Variants in DNM3 observed in about 807,000 individuals in gnomAD.
DNM3 encodes the protein dynamin 3.
Under a neutral mutation model 101.6 loss-of-function variants are expected in DNM3, and 47 were observed. That is an observed-to-expected ratio of 0.46 (90% CI 0.37 to 0.59). DNM3 has a LOEUF of 0.59. Among genes scored for constraint, DNM3 ranks in the 20% least tolerant of loss-of-function variants. DNM3 has a pLI of 0.00. For missense variants in DNM3, 849 were observed against 1,085.7 expected (o/e 0.78, Z 3.06); for synonymous variants, 385 against 387.9 (o/e 0.99, Z 0.09).
chr1:171,875,813 C>CTTTTTTTTTTT (rs60523795), intron 1 of DNM3, among the ~76,000 whole-genome samples: 3,322 of 104,472 alleles, frequency 0.032, 641 homozygotes, highest in African/African-American at 0.12. Flanking sequence ...AGTTGTCTCT[C>CTTTTTTTTTTT]TTTTTTTTTT....
At chr1:172,177,805 G>T (rs2148375479) in intron 14 of DNM3, among the ~76,000 whole-genome samples, 1 of 151,940 alleles carries the variant, frequency 6.6e-6, no homozygotes, top group East Asian at 1.9e-4. Flanking sequence ...CAATCTGAGA[G>T]AAATGTCTCC....
Position 171,901,112 on chromosome 1 carries a change from C to CAAAAAAAAAA in DNM3, c.162-20626_162-20617dup, listed in dbSNP as rs1243053508. Among the ~76,000 whole-genome samples the CAAAAAAAAAA allele has an allele frequency of 5.2e-4, 35 of 66,728 alleles. 2 individuals carry two copies. Among genetic ancestry groups the CAAAAAAAAAA allele is most frequent in the African/African-American group, 1.0e-3 (16 of 15,982 alleles). 43.8% of individuals were successfully genotyped at this position (66,728 alleles called of 152,430 possible). ...TGGGCGACAGAGCGAGACTCTGTCT[C>CAAAAAAAAAA]AAAAAAAAAAAAAAAAAAAGAAAGA... On this transcript the variant is annotated intron_variant, in intron 1 of 20. Coordinates refer to ENST00000627582, the MANE Select transcript of DNM3 (RefSeq NM_015569.5).
intron 2 of DNM3, among the ~76,000 whole-genome samples, chr1:171,932,284 G>A (rs1292455356): frequency 6.6e-6 from 1 of 151,270 alleles, no homozygotes; most frequent in Non-Finnish European, 1.5e-5. Context: ...TAGGACTACG[G>A]GCATGCACCA....
intron 2 of DNM3, among the ~76,000 whole-genome samples, chr1:171,939,794 C>G (rs1176674636): frequency 5.3e-5 from 8 of 152,106 alleles, no homozygotes; most frequent in Non-Finnish European, 2.9e-5. Flanking sequence ...ATAATTGTTA[C>G]TTACCTACGC....
intron 13 of DNM3, chr1:172,093,616 G>T: frequency 7.9e-7 from 1 of 1,268,706 alleles, no homozygotes; most frequent in Non-Finnish European, 1.1e-6. Flanking sequence ...CCATTGTTTT[G>T]AAAGGAGAAG....
chr1:172,371,828 A>ATATTTT lies in DNM3; in HGVS notation c.1894-7166_1894-7161dup, dbSNP rs199679792. ...AGGGTATTCTGTCTAAGTCAGGCAG[A>ATATTTT]TATTTTTATTTTTATTTTTATTTTT... On this transcript the variant is annotated intron_variant, in intron 17 of 20. Transcript: ENST00000627582. 6.3e-3 allele frequency among the ~76,000 whole-genome samples: 945 copies of ATATTTT among 150,588 alleles called. 6 individuals carry two copies. Among genetic ancestry groups the ATATTTT allele is most frequent in the Middle Eastern group, 0.027 (8 of 292 alleles).
intron 11 of DNM3, among the ~76,000 whole-genome samples, chr1:172,071,886 G>GA (rs529957140): frequency 3.0e-4 from 45 of 152,108 alleles, no homozygotes; most frequent in African/African-American, 8.4e-4. Context: ...GAAAAAATGA[G>GA]AAAAAAATGG....
At chr1:171,962,927 G>T (rs1365279155) in intron 2 of DNM3, among the ~76,000 whole-genome samples, 8 of 152,148 alleles carry the variant, frequency 5.3e-5, no homozygotes, top group Admixed American at 4.6e-4. Flanking sequence ...ATTCTCATTT[G>T]TTGCTGGTGG....
intron 1 of DNM3, 111 bp from the exon 2 acceptor site, chr1:171,921,637 C>A: frequency 3.6e-6 from 3 of 822,716 alleles, no homozygotes; most frequent in East Asian, 2.7e-5. Flanking sequence ...TTTGGATAAG[C>A]GATACATTGA....
chr1:172,202,864 TGA>T (rs1179442032), intron 14 of DNM3, among the ~76,000 whole-genome samples: 1 of 152,192 alleles, frequency 6.6e-6, no homozygotes, highest in African/African-American at 2.4e-5. Context: ...AAAGGTTGAC[TGA>T]GAGTGAATCA....
chr1:171,867,666 A>G (rs2034889014), intron 1 of DNM3, among the ~76,000 whole-genome samples: 2 of 152,140 alleles, frequency 1.3e-5, no homozygotes, highest in African/African-American at 4.8e-5. Flanking sequence ...TAATGTTTTC[A>G]TCATATTTAT....
At chr1:172,031,473 A>G (rs2048602417) in intron 4 of DNM3, among the ~76,000 whole-genome samples, 1 of 152,046 alleles carries the variant, frequency 6.6e-6, no homozygotes, top group Non-Finnish European at 1.5e-5. Context: ...AACCTAGATG[A>G]TGGGTTGATA....
intron 17 of DNM3, among the ~76,000 whole-genome samples, chr1:172,336,643 A>G (rs1299725469): frequency 1.3e-5 from 2 of 151,560 alleles, no homozygotes; most frequent in African/African-American, 4.8e-5. Flanking sequence ...CACAGCCTAC[A>G]ATGTTTTCTT....
intron 20 of DNM3, chr1:172,394,053 C>G (rs945690595): frequency 1.3e-5 from 2 of 152,180 alleles, no homozygotes; most frequent in Non-Finnish European, 2.9e-5. Context: ...CCATCAAAAG[C>G]CTTGTTCCAA....
chr1:171,902,835 A>G (rs1027498267), intron 1 of DNM3, among the ~76,000 whole-genome samples: 1 of 152,180 alleles, frequency 6.6e-6, no homozygotes, highest in African/African-American at 2.4e-5. Context: ...GCTATGAGTG[A>G]AAAATTTCTA....
chr1:172,180,526 G>A (rs2059307535), intron 14 of DNM3, among the ~76,000 whole-genome samples: 1 of 152,084 alleles, frequency 6.6e-6, no homozygotes, highest in Non-Finnish European at 1.5e-5. Flanking sequence ...ATATAATTAA[G>A]AGCTTACTGC....
At position 172,120,269 on chromosome 1, in the gene DNM3, C is replaced by T. The variant is rs114648572; in HGVS notation, c.1546-10906C>T. Among the ~76,000 whole-genome samples, 908 of 152,136 alleles carry T rather than the reference C, an allele frequency of 6.0e-3. 15 individuals are homozygous for T. Among genetic ancestry groups the T allele is most frequent in the African/African-American group, 0.021 (860 of 41,492 alleles). On this transcript the variant is annotated intron_variant, in intron 13 of 20. Coordinates refer to ENST00000627582, the MANE Select transcript of DNM3 (RefSeq NM_015569.5). Reference sequence around the variant, plus strand: ...GCAAGAGAGAGCATGTGTAGGGGACCTCCCCTTTATAAAACCATCAGATCT... The same window carrying T: ...GCAAGAGAGAGCATGTGTAGGGGACTTCCCCTTTATAAAACCATCAGATCT...
chr1:172,326,985 G>A (rs1340797669), intron 17 of DNM3, among the ~76,000 whole-genome samples: 1 of 152,058 alleles, frequency 6.6e-6, no homozygotes, highest in Non-Finnish European at 1.5e-5. Flanking sequence ...CAGAATTTAA[G>A]GCTGACTGTA....
At chr1:172,028,237 T>A (rs2048351492) in intron 4 of DNM3, among the ~76,000 whole-genome samples, 1 of 152,128 alleles carries the variant, frequency 6.6e-6, no homozygotes, top group South Asian at 2.1e-4. Flanking sequence ...CACAGTGCAA[T>A]CAAATTAGAA....
Sources: allele counts gnomAD v4.1 joint callset (sites outside exome capture counted in the v4.1 genomes callset), GRCh38; gene constraint gnomAD v4.1.1; transcripts MANE v1.5; gene names NCBI Gene and HGNC (gene_info 2026-07-23, HGNC 2026-07-21).